Variants in PIGQ observed in about 807,000 individuals in gnomAD.
PIGQ encodes phosphatidylinositol glycan anchor biosynthesis class Q, also known as phosphatidylinositol N-acetylglucosaminyltransferase subunit Q.
A neutral mutation model predicts 60.3 loss-of-function variants in PIGQ; 54 were observed. The observed-to-expected ratio is 0.90, with a 90% CI of 0.72 to 1.12. The LOEUF (loss-of-function observed/expected upper bound fraction) is 1.12, where lower values mean the gene tolerates loss of function less well. PIGQ is among the 50% of genes most tolerant of loss of function. The pLI is 0.00. For missense variants in PIGQ, 799 were observed against 793.5 expected, an observed-to-expected ratio of 1.01 and a Z score of -0.08; for synonymous variants, 416 against 363.7, an observed-to-expected ratio of 1.14 and a Z score of -1.64.
intron 4 of PIGQ, 52 bp downstream of exon 4, chr16:576,306 C>T: frequency 1.3e-6 from 2 of 1,525,902 alleles, no homozygotes; most frequent in Non-Finnish European, 1.8e-6. Context: ...GGGGACCCCT[C>T]CTGGGCAGCA....
intron 4 of PIGQ, 69 bp from the exon 5 acceptor site, chr16:578,310 A>G: frequency 1.3e-6 from 2 of 1,530,050 alleles, no homozygotes; most frequent in South Asian, 1.2e-5. Flanking sequence ...CCATCACGAA[A>G]GAGCCTGGGG....
At chr16:581,070 C>G in intron 9 of PIGQ, 98 bp downstream of exon 9, 1 of 1,352,172 alleles carries the variant, frequency 7.4e-7, no homozygotes. Flanking sequence ...CACTGTGCCT[C>G]CAGCCTGGAA....
intron 1 of PIGQ, 75 bp downstream of exon 1, chr16:570,171 C>A (rs1308081233): frequency 6.6e-6 from 1 of 151,572 alleles, no homozygotes; most frequent in African/African-American, 2.4e-5. Flanking sequence ...GGGCTGGGGG[C>A]TCCGCACTCC....
chr16:581,068 C>G, intron 9 of PIGQ, 96 bp downstream of exon 9: 10 of 1,339,494 alleles, frequency 7.5e-6, no homozygotes, highest in Non-Finnish European at 8.5e-6. Flanking sequence ...GCCACTGTGC[C>G]TCCAGCCTGG....
Position 578,925 on chromosome 16 carries a change from G to A in PIGQ, c.1210G>A (p.Val404Ile), listed in dbSNP as rs558909404. Residue 404 changes from valine (V) to isoleucine (I), a missense_variant, in exon 6 of 11, where the codon GTC (valine) becomes ATC (isoleucine). Transcript: ENST00000321878. ...CACCTTCCACATCTACTGCTTTTAC[G>A]TCTATGGAGCCAGGTGGGCGTGGGC... Reference protein sequence around the residue: ...LLTFHIYCFYVYGARLYCLKI... With the variant: ...LLTFHIYCFYIYGARLYCLKI... 2.4e-5 allele frequency: 39 copies of A among 1,609,008 alleles called. No individual in the cohort carries two copies. The South Asian group carries it at 2.7e-4, about 11-fold the overall frequency.
In PIGQ at chr16:583,572, C is replaced by A. The variant is rs1429873283; in HGVS notation, c.*537C>A. The A allele has an allele frequency of 1.7e-5, 27 of 1,612,558 alleles. No homozygotes were observed. The highest frequency in any genetic ancestry group is 2.2e-5 in the Non-Finnish European group (26 of 1,179,726). On this transcript the variant is annotated 3_prime_UTR_variant, in exon 11 of 11. Transcript: ENST00000321878. Reference sequence around the variant, plus strand: ...GACCCCCGTCCCCAGCGGGCCCGGGCCCTCACTCCCTGAACCACACGGGGT... The same window carrying A: ...GACCCCCGTCCCCAGCGGGCCCGGGACCTCACTCCCTGAACCACACGGGGT...
intron 1 of PIGQ, chr16:572,626 G>A (rs567227778): frequency 8.8e-6 from 4 of 455,896 alleles, no homozygotes; most frequent in South Asian, 1.6e-5. Flanking sequence ...CCCTAAGGGC[G>A]TGGTGGGCTC....
In PIGQ at chr16:574,282, CG is replaced by C; in HGVS notation, c.210del (p.Gln71ArgfsTer99). The C allele has an allele frequency of 6.2e-7, 1 of 1,606,634 alleles. No individual in the cohort carries two copies. The highest frequency in any genetic ancestry group is 8.5e-7 in the Non-Finnish European group (1 of 1,178,936). ...CGTGCTGGGCACCTGGTGCCACTGCCGGCAGGAGCCCGAGGAGAGCCTGGGC... is the reference window on the plus strand; with the variant it reads ...CGTGCTGGGCACCTGGTGCCACTGCCGCAGGAGCCCGAGGAGAGCCTGGGC... ...VAVLGTWCHC[R>X]QEPEESLGRF... On this transcript the variant is annotated frameshift_variant, in exon 2 of 11. Transcript: ENST00000321878. LOFTEE classifies it high-confidence loss of function.
At chr16:573,226 CA>C (rs2035663230) in intron 1 of PIGQ, among the ~76,000 whole-genome samples, 1 of 152,234 alleles carries the variant, frequency 6.6e-6, no homozygotes, top group South Asian at 2.1e-4. Context: ...CCTGAGAGTG[CA>C]GGATGCAGTT....
intron 7 of PIGQ, 129 bp downstream of exon 7, chr16:579,309 C>T (rs2035775206): frequency 1.4e-6 from 1 of 691,390 alleles, no homozygotes; most frequent in Admixed American, 2.3e-5. Context: ...CGCACAGGCC[C>T]TGGGAATAGA....
Position 574,554 on chromosome 16 carries a change from G to A in PIGQ, c.480G>A (p.Gly160=), listed in dbSNP as rs764650784. 6.2e-7 allele frequency: 1 copy of A among 1,604,108 alleles called. No individual in the cohort carries two copies. Reference sequence around the variant, plus strand: ...CTGGAGCCACCACTGCCAGCACGGGGGGCCTGGCTGCCGTCTTCGACACGG... The same window carrying A: ...CTGGAGCCACCACTGCCAGCACGGGAGGCCTGGCTGCCGTCTTCGACACGG... ...RQAGATTAST[G]GLAAVFDTVA... is the part of the protein sequence containing the mutation. Residue 160 remains glycine (G), a synonymous_variant, in exon 2 of 11, where the codon GGG becomes GGA. Coordinates refer to ENST00000321878, the MANE Select transcript of PIGQ (RefSeq NM_004204.5).
intron 1 of PIGQ, among the ~76,000 whole-genome samples, chr16:573,426 C>A (rs756422551): frequency 6.6e-6 from 1 of 152,134 alleles, no homozygotes. Flanking sequence ...GAGGCCGAAG[C>A]CCTGTGTGCC....
rs2035852315 is a variant in PIGQ, at chr16:583,594, G to A, written c.*559G>A. 1 of 1,612,712 alleles carries A rather than the reference G, an allele frequency of 6.2e-7. No homozygotes were observed. Among genetic ancestry groups the A allele is most frequent in the African/African-American group, 1.3e-5 (1 of 74,924 alleles). ...GGGCCCTCACTCCCTGAACCACACG[G>A]GGTTTATTTGCGGATGTTCCCTGGA... On this transcript the variant is annotated 3_prime_UTR_variant, in exon 11 of 11. Transcript: ENST00000321878.
rs748728271 is a variant in PIGQ at position 580,841 on chromosome 16, A to AT, written c.1417-16dup. ...GCGCGTCTGGCCGGGCCGGTCCTAA[A>AT]TGCTCCTCTGCCACAGCTCCGGCTC... On this transcript the variant is annotated splice_polypyrimidine_tract_variant and intron_variant, in intron 8 of 10. Transcript: ENST00000321878. 6 of 1,194,574 alleles carry AT rather than the reference A, an allele frequency of 5.0e-6. No individual in the cohort carries two copies. Among genetic ancestry groups the AT allele is most frequent in the Non-Finnish European group, 7.4e-6 (6 of 807,110 alleles). 74.0% of individuals were successfully genotyped at this position (1,194,574 alleles called of 1,614,324 possible).
chr16:580,828 G>C (rs199894139), intron 8 of PIGQ, 30 bp from the exon 9 acceptor site: 1 of 1,009,618 alleles, frequency 9.9e-7, no homozygotes, highest in South Asian at 1.3e-5. Context: ...GCGTCTGGCC[G>C]GGCCGGTCCT....
chr16:578,736 C>G lies in PIGQ; in HGVS notation c.1070-49C>G, dbSNP rs765911495. The G allele has an allele frequency of 3.8e-6, 6 of 1,591,462 alleles. No homozygotes were observed. The East Asian group carries it at 9.0e-5, about 24-fold the overall frequency. ...TGTGTGTGTGAGGGTTGTGCTGGGC[C>G]GAGGGCTGGGGTCTGAGCGCCTCCT... is the stretch of plus-strand genomic sequence containing the variant. On this transcript the variant is annotated intron_variant, in intron 5 of 10. Transcript: ENST00000321878.
chr16:583,148 T>C lies in PIGQ; in HGVS notation c.*113T>C. On this transcript the variant is annotated 3_prime_UTR_variant, in exon 11 of 11. Coordinates refer to ENST00000321878, the MANE Select transcript of PIGQ (RefSeq NM_004204.5). Reference sequence around the variant, plus strand: ...CCTGTGCTTTGTGGACGCTGCTGTGTGCTCCTGAACACGGCAGGCCCTGCT... The same window carrying C: ...CCTGTGCTTTGTGGACGCTGCTGTGCGCTCCTGAACACGGCAGGCCCTGCT... 1 of 1,613,318 alleles carries C rather than the reference T, an allele frequency of 6.2e-7. No individual in the cohort carries two copies. The highest frequency in any genetic ancestry group is 8.5e-7 in the Non-Finnish European group (1 of 1,179,962).
chr16:583,181 C>T lies in PIGQ; in HGVS notation c.*146C>T, dbSNP rs749841852. On this transcript the variant is annotated 3_prime_UTR_variant, in exon 11 of 11. Transcript: ENST00000321878. ...AACACGGCAGGCCCTGCTATCACAC[C>T]TTGGGCTTGGAGGTCATTGGGAGTG... 6.2e-7 allele frequency: 1 copy of T among 1,613,204 alleles called. No homozygotes were observed. Among genetic ancestry groups the T allele is most frequent in the East Asian group, 2.2e-5 (1 of 44,900 alleles).
In PIGQ at chr16:574,164, C is replaced by A. The variant is rs1298565308; in HGVS notation, c.90C>A (p.Ala30=). 6.2e-7 allele frequency: 1 copy of A among 1,612,656 alleles called. No homozygotes were observed. The highest frequency in any genetic ancestry group is 8.5e-7 in the Non-Finnish European group (1 of 1,179,750). Residue 30 remains alanine, a synonymous_variant, in exon 2 of 11, where the codon GCC becomes GCA. Transcript: ENST00000321878. ...GGTGGGTGCCGGAGCAGAGCAGCGC[C>A]GTGGTCCTGGCGGTCCTGCACTTTC... ...VGRWVPEQSS[A]VVLAVLHFPF... is the part of the protein sequence containing the mutation.
Sources: allele counts gnomAD v4.1 joint callset (sites outside exome capture counted in the v4.1 genomes callset), GRCh38; gene constraint gnomAD v4.1.1; transcripts MANE v1.5; gene names NCBI Gene and HGNC (gene_info 2026-07-23, HGNC 2026-07-21).